The following PALS2 variants were observed in gnomAD, a reference collection of about 807,000 sequenced individuals.
The protein encoded by PALS2 is protein PALS2.
A neutral mutation model predicts 61.6 loss-of-function variants in PALS2; 27 were observed. The ratio of observed to expected loss-of-function variants is 0.44; its 90% CI spans 0.32 to 0.60. PALS2 has a LOEUF of 0.60. PALS2 is among the 20% of genes least tolerant of loss of function. PALS2 has a pLI of 0.05. For missense variants in PALS2, 554 were observed against 639.4 expected (o/e 0.87, Z 1.44); for synonymous variants, 236 against 218.6 (o/e 1.08, Z -0.70).
rs559666147 is a variant in PALS2 at position 24,637,469 on chromosome 7, T to C, written c.118-4247T>C. The stretch of plus-strand genomic sequence containing the variant: ...CTGTGTTGATCTTGAGTTTTAGGTC[T>C]CTAGAATAAAAGAAGAGGGTGGTGC... On this transcript the variant is annotated intron_variant, in intron 2 of 11. Coordinates refer to ENST00000222644, the MANE Select transcript of PALS2 (RefSeq NM_001303037.2). 3.3e-5 allele frequency among the ~76,000 whole-genome samples: 5 copies of C among 151,984 alleles called. No homozygotes were observed. In the South Asian group the frequency reaches 8.3e-4, roughly 25 times the overall value.
At chr7:24,659,195 C>A (rs1399621430) in intron 5 of PALS2, among the ~76,000 whole-genome samples, 1 of 152,166 alleles carries the variant, frequency 6.6e-6, no homozygotes, top group African/African-American at 2.4e-5. Flanking sequence ...CTTTTTATGG[C>A]TGCATAGTAT....
intron 2 of PALS2, among the ~76,000 whole-genome samples, chr7:24,627,901 A>G (rs1330006213): frequency 6.6e-6 from 1 of 152,210 alleles, no homozygotes; most frequent in Non-Finnish European, 1.5e-5. Context: ...AAAAAAGCCC[A>G]GGACCAGACA....
intron 1 of PALS2, among the ~76,000 whole-genome samples, chr7:24,621,057 T>C (rs1472948321): frequency 6.6e-6 from 1 of 152,190 alleles, no homozygotes. Flanking sequence ...AAAGTACTTT[T>C]AAAAATTGAT....
At chr7:24,593,246 A>G (rs755893293) in intron 1 of PALS2, among the ~76,000 whole-genome samples, 5 of 152,100 alleles carry the variant, frequency 3.3e-5, no homozygotes, top group Non-Finnish European at 4.4e-5. Context: ...TGTAGCCTAC[A>G]TCTTCAGGCT....
chr7:24,628,101 C>T (rs1006663685), intron 2 of PALS2, among the ~76,000 whole-genome samples: 22 of 152,156 alleles, frequency 1.4e-4, no homozygotes, highest in African/African-American at 4.8e-4. Flanking sequence ...TGATGAACAT[C>T]GATGTGAAAA....
chr7:24,666,192 T>A, intron 8 of PALS2, 103 bp downstream of exon 8: 1 of 1,014,282 alleles, frequency 9.9e-7, no homozygotes, highest in Non-Finnish European at 1.5e-6. Flanking sequence ...GTAATTCAGA[T>A]TAGTACCTAG....
intron 5 of PALS2, among the ~76,000 whole-genome samples, chr7:24,655,347 T>C (rs1032347948): frequency 2.0e-5 from 3 of 152,164 alleles, no homozygotes; most frequent in African/African-American, 2.4e-5. Context: ...AGAGTACGTA[T>C]AGATGCAGTA....
intron 1 of PALS2, among the ~76,000 whole-genome samples, chr7:24,622,683 CTTTTT>C (rs70942815): frequency 2.2e-5 from 3 of 135,702 alleles, no homozygotes; most frequent in East Asian, 2.1e-4. Context: ...TTTCTTTTTT[CTTTTT>C]TTTTTTTTTG....
chr7:24,588,046 A>G (rs1783139814), intron 1 of PALS2, among the ~76,000 whole-genome samples: 1 of 152,124 alleles, frequency 6.6e-6, no homozygotes, highest in South Asian at 2.1e-4. Flanking sequence ...ACTGACATCT[A>G]GTGGGTAGAG....
At chr7:24,637,728 C>T (rs1287609627) in intron 2 of PALS2, among the ~76,000 whole-genome samples, 1 of 151,980 alleles carries the variant, frequency 6.6e-6, no homozygotes, top group Non-Finnish European at 1.5e-5. Context: ...GTTGGAGTGT[C>T]CTTGAGTGAA....
intron 1 of PALS2, among the ~76,000 whole-genome samples, chr7:24,621,701 C>T (rs932524357): frequency 6.6e-6 from 1 of 151,924 alleles, no homozygotes; most frequent in Non-Finnish European, 1.5e-5. Context: ...GAACAGAAAA[C>T]TGTATTTTAT....
At chr7:24,623,966 A>G (rs917597555) in intron 2 of PALS2, 182 bp downstream of exon 2, 39 of 1,057,170 alleles carry the variant, frequency 3.7e-5, no homozygotes, top group Non-Finnish European at 5.2e-5. Context: ...TCTCTTTTCT[A>G]CTCTGACTTT....
At chr7:24,615,064 A>G (rs1784245466) in intron 1 of PALS2, among the ~76,000 whole-genome samples, 1 of 152,054 alleles carries the variant, frequency 6.6e-6, no homozygotes, top group Non-Finnish European at 1.5e-5. Flanking sequence ...AAGAAATTTA[A>G]AAGGAAATTT....
At chr7:24,671,309 C>T (rs1389887542) in intron 9 of PALS2, among the ~76,000 whole-genome samples, 11 of 152,052 alleles carry the variant, frequency 7.2e-5, no homozygotes, top group Non-Finnish European at 1.6e-4. Context: ...TACATATTTG[C>T]CATTTATATA....
Position 24,688,564 on chromosome 7 carries a change from C to A in PALS2, c.*950C>A, listed in dbSNP as rs902713923. On this transcript the variant is annotated 3_prime_UTR_variant, in exon 12 of 12. Coordinates refer to ENST00000222644, the MANE Select transcript of PALS2 (RefSeq NM_001303037.2). ...CAAATTTTAGTGATGTTTAGAGATG[C>A]CTCTAAGTTTGCAGTTGGAGGTTTT... The A allele has an allele frequency of 2.0e-5, 3 of 152,024 alleles. No homozygotes were observed. Among genetic ancestry groups the A allele is most frequent in the Non-Finnish European group, 2.9e-5 (2 of 67,998 alleles). The allele number at this position is 152,024 out of a possible 1,614,324, so 9.4% of individuals were successfully genotyped here.
chr7:24,653,342 A>T (rs1460267103), intron 5 of PALS2, among the ~76,000 whole-genome samples: 1 of 152,014 alleles, frequency 6.6e-6, no homozygotes, highest in African/African-American at 2.4e-5. Context: ...AATGATTTTT[A>T]AAAAATGATT....
intron 5 of PALS2, among the ~76,000 whole-genome samples, chr7:24,654,382 C>A (rs1475273987): frequency 2.6e-5 from 4 of 151,868 alleles, no homozygotes; most frequent in Non-Finnish European, 5.9e-5. Context: ...GCATAGAAAC[C>A]CCTCAAAACT....
chr7:24,585,651 C>A (rs980107568), intron 1 of PALS2, among the ~76,000 whole-genome samples: 1 of 152,160 alleles, frequency 6.6e-6, no homozygotes, highest in East Asian at 1.9e-4. Flanking sequence ...ATCTCCATCC[C>A]CTCCTTTCCA....
intron 1 of PALS2, among the ~76,000 whole-genome samples, chr7:24,619,534 G>A (rs1384631094): frequency 1.3e-5 from 2 of 151,906 alleles, no homozygotes; most frequent in African/African-American, 2.4e-5. Context: ...TGGCTAACAC[G>A]GTGAAACCCC....
Sources: allele counts gnomAD v4.1 joint callset (sites outside exome capture counted in the v4.1 genomes callset), GRCh38; gene constraint gnomAD v4.1.1; transcripts MANE v1.5; gene names NCBI Gene and HGNC (gene_info 2026-07-23, HGNC 2026-07-21).